Variants in LHPP observed in about 807,000 individuals in gnomAD.
The protein encoded by LHPP is hLHPP.
A neutral mutation model predicts 30.3 loss-of-function variants in LHPP; 24 were observed. The observed-to-expected ratio is 0.79, with a 90% confidence interval of 0.57 to 1.11. The LOEUF (loss-of-function observed/expected upper bound fraction) is 1.11. Among genes scored for constraint, LHPP ranks in the 50% most tolerant of loss-of-function variants. LHPP has a pLI of 0.00. For synonymous variants in LHPP, 150 were observed against 157.1 expected, an observed-to-expected ratio of 0.95 and a Z score of 0.34; for missense variants, 356 against 367.2, an observed-to-expected ratio of 0.97 and a Z score of 0.25.
intron 6 of LHPP, among the ~76,000 whole-genome samples, chr10:124,540,966 A>G (rs748158956): frequency 6.6e-6 from 1 of 152,242 alleles, no homozygotes; most frequent in Non-Finnish European, 1.5e-5. Context: ...TCTCTGGAAC[A>G]TTTAGGGCCA....
chr10:124,507,241 G>A (rs112345692), intron 5 of LHPP, among the ~76,000 whole-genome samples: 211 of 1,582 alleles, frequency 0.13, 44 homozygotes, highest in African/African-American at 0.18. Context: ...TGGAGGGTAG[G>A]CAGGATTTCA....
chr10:124,552,147 C>A (rs1948180144), intron 6 of LHPP, among the ~76,000 whole-genome samples: 2 of 152,156 alleles, frequency 1.3e-5, no homozygotes, highest in Non-Finnish European at 2.9e-5. Context: ...TCTTGCCCTC[C>A]AGCCTTTCCC....
chr10:124,610,053 C>T (rs537610699), intron 6 of LHPP, among the ~76,000 whole-genome samples: 5 of 152,204 alleles, frequency 3.3e-5, no homozygotes, highest in African/African-American at 4.8e-5. Context: ...GATATCAACA[C>T]GCAGTTTTCC....
At position 124,579,915 on chromosome 10, in the gene LHPP, C is replaced by T. The variant is rs536639137; in HGVS notation, c.717-33349C>T. Among the ~76,000 whole-genome samples the T allele has an allele frequency of 7.2e-5, 11 of 152,346 alleles. 1 individual carries two copies. Among genetic ancestry groups the T allele is most frequent in the African/African-American group, 2.6e-4 (11 of 41,568 alleles). The stretch of plus-strand genomic sequence containing the variant: ...AGTAGGAAAGAATCCCATTATCCCA[C>T]ATCCTGGCCAGTTCTTGGTATTGTG... On this transcript the variant is annotated intron_variant, in intron 6 of 6. Coordinates refer to ENST00000368842, the MANE Select transcript of LHPP (RefSeq NM_022126.4).
chr10:124,506,939 G>A (rs1246226027), intron 5 of LHPP, among the ~76,000 whole-genome samples: 1 of 27,262 alleles, frequency 3.7e-5, no homozygotes, highest in Non-Finnish European at 7.6e-5. Flanking sequence ...ATTTCAGGTG[G>A]GGGGGTAGGG....
At chr10:124,567,266 G>T (rs1338072286) in intron 6 of LHPP, among the ~76,000 whole-genome samples, 1 of 152,240 alleles carries the variant, frequency 6.6e-6, no homozygotes, top group Non-Finnish European at 1.5e-5. Context: ...TGTGTCCACA[G>T]GCCTGGGCAG....
chr10:124,490,861 T>C (rs1245353559), intron 3 of LHPP, among the ~76,000 whole-genome samples: 1 of 152,052 alleles, frequency 6.6e-6, no homozygotes, highest in Non-Finnish European at 1.5e-5. Context: ...AGTTCTGGAA[T>C]CACAGGGTTC....
chr10:124,510,424 C>T lies in LHPP; in HGVS notation c.625-6756C>T, dbSNP rs57028053. ...CCCTGGCGTCCCGGCCCCCAGCCTC[C>T]GCCTCCCTCGCCGACAGCTTCCCGG... On this transcript the variant is annotated intron_variant, in intron 5 of 6. Transcript: ENST00000368842. The surrounding 1 kb of genome is among the most constrained non-coding windows in gnomAD (Gnocchi z 4.0). 5.3e-5 allele frequency among the ~76,000 whole-genome samples: 8 copies of T among 152,126 alleles called. No individual in the cohort carries two copies. In the East Asian group the frequency reaches 5.8e-4, roughly 11 times the overall value.
chr10:124,517,386 G>A lies in LHPP; in HGVS notation c.716+115G>A. The A allele has an allele frequency of 1.5e-6, 1 of 666,034 alleles. No homozygotes were observed. The highest frequency in any genetic ancestry group is 2.1e-5 in the South Asian group (1 of 47,804). The allele number at this position is 666,034 out of a possible 1,614,324, so 41.3% of individuals were successfully genotyped here. ...TTCTTTCCAAATCAAAGAGCAGTAT[G>A]TGGGCATTCACTATCTTGTATGTAA... On this transcript the variant is annotated intron_variant, in intron 6 of 6. Transcript: ENST00000368842. This position sits in a 1 kb window ranked among gnomAD's most constrained non-coding sequence, Gnocchi z 4.1.
intron 1 of LHPP, among the ~76,000 whole-genome samples, chr10:124,468,161 G>A (rs1031637566): frequency 1.3e-5 from 2 of 152,178 alleles, no homozygotes; most frequent in African/African-American, 2.4e-5. Flanking sequence ...TCCAACAAAC[G>A]TGCAGATTCC....
intron 6 of LHPP, among the ~76,000 whole-genome samples, chr10:124,550,081 T>G (rs1435364912): frequency 6.6e-6 from 1 of 152,216 alleles, no homozygotes; most frequent in Admixed American, 6.5e-5. Context: ...GTTAGAGAAC[T>G]AAGGGCCTCC....
intron 6 of LHPP, among the ~76,000 whole-genome samples, chr10:124,601,698 A>C (rs1199120996): frequency 2.0e-5 from 3 of 152,210 alleles, no homozygotes; most frequent in Non-Finnish European, 1.5e-5. Flanking sequence ...AGCCGTAAAT[A>C]AGCCCCGTTT....
At chr10:124,594,103 G>A (rs560757548) in intron 6 of LHPP, among the ~76,000 whole-genome samples, 14 of 152,186 alleles carry the variant, frequency 9.2e-5, no homozygotes, top group Non-Finnish European at 1.5e-4. Flanking sequence ...TGAGGCAGGC[G>A]GATCACTTGA....
chr10:124,583,302 A>G (rs1312968021), intron 6 of LHPP, among the ~76,000 whole-genome samples: 3 of 152,192 alleles, frequency 2.0e-5, no homozygotes, highest in Admixed American at 6.5e-5. Context: ...TTTTTGATAC[A>G]TTGTTAATTC....
intron 1 of LHPP, among the ~76,000 whole-genome samples, chr10:124,470,675 C>CAAT (rs1554877259): frequency 3.2e-4 from 39 of 122,954 alleles, no homozygotes; most frequent in Non-Finnish European, 5.1e-4. Context: ...ACAACAACAA[C>CAAT]AACAACAATA....
intron 6 of LHPP, among the ~76,000 whole-genome samples, chr10:124,552,076 A>G (rs1948178836): frequency 6.6e-6 from 1 of 151,978 alleles, no homozygotes; most frequent in Admixed American, 6.5e-5. Context: ...CCTGCTTGTC[A>G]GAAGAGGGGC....
intron 6 of LHPP, among the ~76,000 whole-genome samples, chr10:124,557,314 G>A (rs762766572): frequency 1.5e-4 from 23 of 152,222 alleles, no homozygotes; most frequent in Admixed American, 6.5e-5. Flanking sequence ...AGGCCCACGC[G>A]AACGGGCAGA....
At chr10:124,562,832 T>G (rs1157779842) in intron 6 of LHPP, among the ~76,000 whole-genome samples, 1 of 151,516 alleles carries the variant, frequency 6.6e-6, no homozygotes, top group Non-Finnish European at 1.5e-5. Context: ...CTTGGGAGGT[T>G]GAGGTGGGAA....
chr10:124,500,999 A>G (rs1198373624), intron 5 of LHPP, among the ~76,000 whole-genome samples: 3 of 151,992 alleles, frequency 2.0e-5, no homozygotes, highest in Non-Finnish European at 2.9e-5. Context: ...AAAAGCCAAG[A>G]TACCTGCCCA....
Sources: gnomAD v4.1 joint callset for allele counts (sites outside exome capture counted in the v4.1 genomes callset) on GRCh38, gnomAD v4.1.1 for gene constraint, Gnocchi (gnomAD v3.1) non-coding constraint, MANE v1.5 for transcripts, NCBI Gene and HGNC (gene_info 2026-07-23, HGNC 2026-07-21) for gene names.